Variants in TRIB2 observed in about 807,000 individuals in gnomAD.
TRIB2 encodes tribbles pseudokinase 2, also known as tribbles homolog 2.
Under a neutral mutation model 26.8 loss-of-function variants are expected in TRIB2, and 2 were observed. The observed-to-expected ratio is 0.07, with a 90% CI of 0.03 to 0.24. The LOEUF (loss-of-function observed/expected upper bound fraction) is 0.24. Ranked by LOEUF, TRIB2 falls within the 10% of genes least tolerant of loss-of-function variation. The pLI is 1.00. For missense variants in TRIB2, 306 were observed against 449.0 expected (o/e 0.68, Z 2.88); for synonymous variants, 189 against 187.3 (o/e 1.01, Z -0.08).
chr2:12,731,492 A>G (rs1279511278), intron 2 of TRIB2, among the ~76,000 whole-genome samples: 1 of 152,216 alleles, frequency 6.6e-6, no homozygotes, highest in African/African-American at 2.4e-5. Context: ...CATGGGTTCT[A>G]GGAAGAAGTG....
intron 2 of TRIB2, among the ~76,000 whole-genome samples, chr2:12,724,284 AC>A (rs1661289471): frequency 6.6e-6 from 1 of 152,198 alleles, no homozygotes; most frequent in Non-Finnish European, 1.5e-5. Flanking sequence ...ATTGGAGGAG[AC>A]AGCTGGACAG....
rs180783037 is a variant in TRIB2, at chr2:12,720,115, T to G, written c.270+1538T>G. On this transcript the variant is annotated intron_variant, in intron 1 of 2. Coordinates refer to ENST00000155926, the MANE Select transcript of TRIB2 (RefSeq NM_021643.4). Reference sequence around the variant, plus strand: ...TTCAAAGGCTGGAGATGCTTTTAAGTATAGGGACTCTGCAGCCAAATTCTG... The same window carrying G: ...TTCAAAGGCTGGAGATGCTTTTAAGGATAGGGACTCTGCAGCCAAATTCTG... Among the ~76,000 whole-genome samples, 4 of 152,356 alleles carry G rather than the reference T, an allele frequency of 2.6e-5. No individual in the cohort carries two copies. The East Asian group carries it at 7.7e-4, about 29-fold the overall frequency.
rs1666661461 is a variant in TRIB2 at position 12,718,893 on chromosome 2, G to T, written c.270+316G>T. On this transcript the variant is annotated intron_variant, in intron 1 of 2. Coordinates refer to ENST00000155926, the MANE Select transcript of TRIB2 (RefSeq NM_021643.4). This position sits in a 1 kb window ranked among gnomAD's most constrained non-coding sequence, Gnocchi z 4.0. ...TGCGCGAGGCCGGGTCCCGCTGCCC[G>T]GGGGGGATTTCTTCCTGTGTCTAGC... Among the ~76,000 whole-genome samples, 1 of 151,960 alleles carries T rather than the reference G, an allele frequency of 6.6e-6. No homozygotes were observed. Among genetic ancestry groups the T allele is most frequent in the Admixed American group, 6.5e-5 (1 of 15,270 alleles).
rs890632437 is a variant in TRIB2, at chr2:12,741,073, C to T, written c.*279C>T. 1 of 393,340 alleles carries T rather than the reference C, an allele frequency of 2.5e-6. No individual in the cohort carries two copies. Among genetic ancestry groups the T allele is most frequent in the Non-Finnish European group, 4.6e-6 (1 of 217,594 alleles). 24.4% of individuals were successfully genotyped at this position (393,340 alleles called of 1,614,324 possible). ...CACCCCTTGCCACTTGGGCCACTTC[C>T]GCCTACCCCACTTTTCATTTTGTTC... On this transcript the variant is annotated 3_prime_UTR_variant, in exon 3 of 3. Coordinates refer to ENST00000155926, the MANE Select transcript of TRIB2 (RefSeq NM_021643.4).
At position 12,741,859 on chromosome 2, in the gene TRIB2, G is replaced by A. The variant is rs958527944; in HGVS notation, c.*1065G>A. ...CTTTTAAGGCTTGTAAGGCCCTCTGGTTTGGACAAAAACCCTCAGTAGAGA... is the reference window on the plus strand; with the variant it reads ...CTTTTAAGGCTTGTAAGGCCCTCTGATTTGGACAAAAACCCTCAGTAGAGA... On this transcript the variant is annotated 3_prime_UTR_variant, in exon 3 of 3. Coordinates refer to ENST00000155926, the MANE Select transcript of TRIB2 (RefSeq NM_021643.4). 4 of 152,652 alleles carry A rather than the reference G, an allele frequency of 2.6e-5. No homozygotes were observed. The highest frequency in any genetic ancestry group is 4.4e-5 in the Non-Finnish European group (3 of 68,048). The allele number at this position is 152,652 out of a possible 1,614,324, so 9.5% of individuals were successfully genotyped here. A position where few individuals can be genotyped will look rare whatever the true frequency, so the allele number is the denominator to read the frequency against.
intron 2 of TRIB2, among the ~76,000 whole-genome samples, chr2:12,729,846 A>G (rs1460228895): frequency 6.6e-6 from 1 of 152,146 alleles, no homozygotes; most frequent in Non-Finnish European, 1.5e-5. Context: ...ATTTAGCCCT[A>G]TGGTCTTAGC....
rs554779446 is a variant in TRIB2 at position 12,728,281 on chromosome 2, C to T, written c.563+4729C>T. ...CAGACGGGAGCTCCTACCTAGCACA[C>T]AGTCAGCCATCAGCAGACGGGAGCT... On this transcript the variant is annotated intron_variant, in intron 2 of 2. Transcript: ENST00000155926. 2.6e-5 allele frequency among the ~76,000 whole-genome samples: 4 copies of T among 152,006 alleles called. No individual in the cohort carries two copies. The East Asian group carries it at 5.8e-4, about 22-fold the overall frequency.
intron 2 of TRIB2, among the ~76,000 whole-genome samples, chr2:12,726,847 G>A (rs997489618): frequency 6.6e-6 from 1 of 152,198 alleles, no homozygotes; most frequent in Non-Finnish European, 1.5e-5. Flanking sequence ...GGCCCACCTG[G>A]TGCAGAAGAA....
chr2:12,720,481 G>A (rs1397620996), intron 1 of TRIB2, among the ~76,000 whole-genome samples: 1 of 152,206 alleles, frequency 6.6e-6, no homozygotes, highest in Admixed American at 6.5e-5. Context: ...GCATAGTTGT[G>A]TATCTCCGAA....
At chr2:12,725,423 G>T (rs893388948) in intron 2 of TRIB2, among the ~76,000 whole-genome samples, 14 of 152,226 alleles carry the variant, frequency 9.2e-5, no homozygotes, top group African/African-American at 3.4e-4. Context: ...GAACTCCAGA[G>T]GTGAGAGCAC....
At position 12,741,657 on chromosome 2, in the gene TRIB2, G is replaced by C. The variant is rs1423467609; in HGVS notation, c.*863G>C. 6.6e-6 allele frequency: 1 copy of C among 152,366 alleles called. No individual in the cohort carries two copies. The highest frequency in any genetic ancestry group is 1.5e-5 in the Non-Finnish European group (1 of 68,046). The allele number at this position is 152,366 out of a possible 1,614,324, so 9.4% of individuals were successfully genotyped here. A position where few individuals can be genotyped will look rare whatever the true frequency, so the allele number is the denominator to read the frequency against. On this transcript the variant is annotated 3_prime_UTR_variant, in exon 3 of 3. Coordinates refer to ENST00000155926, the MANE Select transcript of TRIB2 (RefSeq NM_021643.4). ...TGTGTGACAGGCATTCCTCTTTGCT[G>C]AGATGATAGCAATGGCCTGAGATTT...
chr2:12,733,288 A>G (rs543677297), intron 2 of TRIB2, among the ~76,000 whole-genome samples: 3 of 152,302 alleles, frequency 2.0e-5, no homozygotes, highest in Admixed American at 2.0e-4. Context: ...TTAGCTGTGA[A>G]TGGGATGGTT....
At chr2:12,731,007 C>T (rs984530694) in intron 2 of TRIB2, among the ~76,000 whole-genome samples, 5 of 152,114 alleles carry the variant, frequency 3.3e-5, no homozygotes, top group Admixed American at 1.3e-4. Flanking sequence ...CATTCTATCT[C>T]GCAAACATTT....
At chr2:12,733,556 A>G (rs1410329735) in intron 2 of TRIB2, among the ~76,000 whole-genome samples, 1 of 152,152 alleles carries the variant, frequency 6.6e-6, no homozygotes, top group Non-Finnish European at 1.5e-5. Flanking sequence ...TGCATATATC[A>G]TACTTGTCTT....
intron 2 of TRIB2, among the ~76,000 whole-genome samples, chr2:12,729,610 A>G (rs1028651838): frequency 6.6e-6 from 1 of 152,214 alleles, no homozygotes; most frequent in Non-Finnish European, 1.5e-5. Flanking sequence ...TTCAGTGTCT[A>G]TGGCAGGCTG....
In TRIB2 at chr2:12,741,000, G is replaced by T. The variant is rs1056854480; in HGVS notation, c.*206G>T. ...CGTGGGATGGGGATTGGGGTGAGAT[G>T]GATGGGAGCCCGCTGGAGCTTGTCT... On this transcript the variant is annotated 3_prime_UTR_variant, in exon 3 of 3. Transcript: ENST00000155926. This position sits in a 1 kb window ranked among gnomAD's most constrained non-coding sequence, Gnocchi z 5.8. 1 of 572,634 alleles carries T rather than the reference G, an allele frequency of 1.7e-6. No homozygotes were observed. The highest frequency in any genetic ancestry group is 3.1e-6 in the Non-Finnish European group (1 of 325,636). 35.5% of individuals were successfully genotyped at this position (572,634 alleles called of 1,614,324 possible).
rs959463768 is a variant in TRIB2, at chr2:12,718,728, A to C, written c.270+151A>C. The C allele has an allele frequency of 7.9e-5, 95 of 1,197,658 alleles. 1 individual carries two copies. The highest frequency in any genetic ancestry group is 5.8e-4 in the Middle Eastern group (2 of 3,442). The allele number at this position is 1,197,658 out of a possible 1,614,324, so 74.2% of individuals were successfully genotyped here. On this transcript the variant is annotated intron_variant, in intron 1 of 2. Transcript: ENST00000155926. The surrounding 1 kb of genome is among the most constrained non-coding windows in gnomAD (Gnocchi z 4.0). ...ATTTATTTATTTGCTCAGGTTCGGT[A>C]AGTTGCGAAGTTTTTAGACCGTTTC...
intron 2 of TRIB2, among the ~76,000 whole-genome samples, chr2:12,731,735 A>C (rs1558318173): frequency 6.6e-6 from 1 of 152,202 alleles, no homozygotes; most frequent in African/African-American, 2.4e-5. Flanking sequence ...TGTCAAGTGC[A>C]GCGTCCCTGT....
In TRIB2 at chr2:12,727,276, C is replaced by T. The variant is rs567561412; in HGVS notation, c.563+3724C>T. 4.8e-3 allele frequency among the ~76,000 whole-genome samples: 736 copies of T among 152,106 alleles called. 10 individuals carry two copies. Among genetic ancestry groups the T allele is most frequent in the Non-Finnish European group, 6.8e-3 (460 of 67,996 alleles). On this transcript the variant is annotated intron_variant, in intron 2 of 2. Transcript: ENST00000155926. ...TCTGTGACTCACCGGGCAGGGCAGGCACTCATGAAGGGACAGCTGTTCCTA... is the reference window on the plus strand; with the variant it reads ...TCTGTGACTCACCGGGCAGGGCAGGTACTCATGAAGGGACAGCTGTTCCTA...
Sources: allele counts gnomAD v4.1 joint callset (sites outside exome capture counted in the v4.1 genomes callset), GRCh38; gene constraint gnomAD v4.1.1; non-coding constraint Gnocchi (gnomAD v3.1); transcripts MANE v1.5; gene names NCBI Gene and HGNC (gene_info 2026-07-23, HGNC 2026-07-21).